The following SLC16A9 variants were observed in gnomAD, a reference collection of about 807,000 sequenced individuals.
SLC16A9 encodes solute carrier family 16 member 9, also known as monocarboxylate transporter 9.
SLC16A9 carries 26 observed loss-of-function variants against 44.3 expected under a neutral mutation model. That is an observed-to-expected ratio of 0.59 (90% CI 0.43 to 0.81). SLC16A9 has a LOEUF of 0.81. Ranked by LOEUF, SLC16A9 falls within the 40% of genes least tolerant of loss-of-function variation. The pLI, the probability that SLC16A9 is intolerant of heterozygous loss-of-function variation, is 0.00. For missense variants in SLC16A9, 559 were observed against 595.8 expected (o/e 0.94, Z 0.64); for synonymous variants, 230 against 225.1 (o/e 1.02, Z -0.19).
intron 2 of SLC16A9, 84 bp downstream of exon 2, chr10:59,684,012 T>C: frequency 1.8e-6 from 2 of 1,125,254 alleles, no homozygotes; most frequent in Non-Finnish European, 2.5e-6. Flanking sequence ...AAGAAAGCCC[T>C]CTCTGCCTTG....
intron 2 of SLC16A9, among the ~76,000 whole-genome samples, chr10:59,673,286 T>C (rs536928433): frequency 6.6e-6 from 1 of 152,278 alleles, no homozygotes; most frequent in Non-Finnish European, 1.5e-5. Flanking sequence ...AAAATGGGAA[T>C]TATAATAGTA....
chr10:59,684,152 C>T lies in SLC16A9; in HGVS notation c.140G>A (p.Gly47Glu). 1 of 1,613,970 alleles carries T rather than the reference C, an allele frequency of 6.2e-7. No homozygotes were observed. Among genetic ancestry groups the T allele is most frequent in the Non-Finnish European group, 8.5e-7 (1 of 1,179,936 alleles). ...YIEWLDAFGE[G>E]KGKTAWVGSL... ...TCCAACCCAGGCTGTTTTTCCTTTTCCTTCACCAAAGGCATCCAGCCATTC... is the reference window on the plus strand; with the variant it reads ...TCCAACCCAGGCTGTTTTTCCTTTTTCTTCACCAAAGGCATCCAGCCATTC... The change falls in exon 2 of 6, where the codon GGA becomes GAA. Residue 47 changes from glycine to glutamate, a missense_variant. By Grantham distance (98) the Gly-to-Glu change is moderately conservative. Transcript: ENST00000395348.
At chr10:59,653,024 C>A in intron 5 of SLC16A9, 74 bp from the exon 6 acceptor site, 1 of 1,158,974 alleles carries the variant, frequency 8.6e-7, no homozygotes, top group South Asian at 1.6e-5. Context: ...CTAATTATAT[C>A]AGTTTTATAT....
intron 3 of SLC16A9, among the ~76,000 whole-genome samples, chr10:59,667,570 A>G (rs1839649362): frequency 6.6e-6 from 1 of 152,228 alleles, no homozygotes; most frequent in Non-Finnish European, 1.5e-5. Flanking sequence ...TAAGTGTCTT[A>G]TCTCTTAATA....
chr10:59,687,935 G>T (rs1377533999), intron 1 of SLC16A9, among the ~76,000 whole-genome samples: 1 of 150,480 alleles, frequency 6.6e-6, no homozygotes, highest in Non-Finnish European at 1.5e-5. Context: ...ACTCCAGTGT[G>T]GGTGACACAG....
intron 4 of SLC16A9, among the ~76,000 whole-genome samples, chr10:59,655,119 G>A (rs1180463076): frequency 6.6e-5 from 10 of 151,914 alleles, no homozygotes; most frequent in South Asian, 4.1e-4. Flanking sequence ...GTGAAACCCC[G>A]TCTCTACTAA....
intron 1 of SLC16A9, among the ~76,000 whole-genome samples, chr10:59,689,055 G>C (rs369508415): frequency 6.6e-6 from 1 of 152,084 alleles, no homozygotes; most frequent in South Asian, 2.1e-4. Context: ...ATTTAAGAGA[G>C]CAAACCTTGG....
At position 59,684,135 on chromosome 10, in the gene SLC16A9, A is replaced by C; in HGVS notation, c.157T>G (p.Trp53Gly). Reference sequence around the variant, plus strand: ...ACTCCACTTGCCAGGGATCCAACCCAGGCTGTTTTTCCTTTTCCTTCACCA... The same window carrying C: ...ACTCCACTTGCCAGGGATCCAACCCCGGCTGTTTTTCCTTTTCCTTCACCA... ...AFGEGKGKTA[W>G]VGSLASGVGL... is the part of the protein sequence containing the mutation. The change falls in exon 2 of 6, where the codon TGG (tryptophan) becomes GGG (glycine). Residue 53 changes from tryptophan to glycine, a missense_variant. Physicochemically the swap from Trp to Gly is radical, Grantham distance 184. Coordinates refer to ENST00000395348, the MANE Select transcript of SLC16A9 (RefSeq NM_194298.3). 1.2e-6 allele frequency: 2 copies of C among 1,614,046 alleles called. No individual in the cohort carries two copies. Among genetic ancestry groups the C allele is most frequent in the East Asian group, 2.2e-5 (1 of 44,868 alleles).
At chr10:59,663,355 C>T (rs1839526814) in intron 4 of SLC16A9, among the ~76,000 whole-genome samples, 1 of 151,924 alleles carries the variant, frequency 6.6e-6, no homozygotes, top group South Asian at 2.1e-4. Flanking sequence ...GAGCGCAACT[C>T]TGTCTCAAAA....
chr10:59,684,923 C>T (rs1050255075), intron 1 of SLC16A9, among the ~76,000 whole-genome samples: 1 of 152,118 alleles, frequency 6.6e-6, no homozygotes, highest in Non-Finnish European at 1.5e-5. Context: ...TGAGGTGAGG[C>T]GGCTCCCTTC....
chr10:59,659,182 A>G (rs1318533494), intron 4 of SLC16A9, among the ~76,000 whole-genome samples: 1 of 152,140 alleles, frequency 6.6e-6, no homozygotes, highest in Non-Finnish European at 1.5e-5. Context: ...CCCCTCAGTG[A>G]TCATCTCTTG....
intron 2 of SLC16A9, 116 bp from the exon 3 acceptor site, chr10:59,673,029 T>C (rs919153466): frequency 4.3e-6 from 4 of 929,856 alleles, no homozygotes; most frequent in Admixed American, 2.8e-5. Flanking sequence ...ATTTATGATA[T>C]GCAGACACTA....
intron 2 of SLC16A9, among the ~76,000 whole-genome samples, chr10:59,675,245 A>C (rs1384356723): frequency 6.6e-6 from 1 of 152,218 alleles, no homozygotes; most frequent in African/African-American, 2.4e-5. Flanking sequence ...TTTGACCAAG[A>C]GTCCATAGCT....
intron 1 of SLC16A9, among the ~76,000 whole-genome samples, chr10:59,691,298 C>T (rs1157756472): frequency 4.6e-5 from 7 of 152,076 alleles, no homozygotes; most frequent in Admixed American, 3.3e-4. Context: ...GTTAACAAAC[C>T]AGGACTCTGA....
intron 4 of SLC16A9, among the ~76,000 whole-genome samples, chr10:59,656,758 A>G (rs1257673198): frequency 2.0e-5 from 3 of 152,164 alleles, no homozygotes; most frequent in African/African-American, 7.2e-5. Context: ...CTATCAACCC[A>G]TTACCTAGGA....
intron 4 of SLC16A9, among the ~76,000 whole-genome samples, chr10:59,663,980 A>ATAT (rs1839545381): frequency 6.6e-6 from 1 of 151,158 alleles, no homozygotes; most frequent in African/African-American, 2.4e-5. Context: ...GAAGAGCTAT[A>ATAT]TATTTTAGAA....
chr10:59,664,226 C>A lies in SLC16A9; in HGVS notation c.436+1G>T. On this transcript the variant is annotated splice_donor_variant, in intron 4 of 5. Transcript: ENST00000395348. LOFTEE classifies it high-confidence loss of function. ...ATACTGTACTCATTTTGAAAATATA[C>A]CTGTTGAAATCAGGCCAAGCGCTAG... 6.2e-7 allele frequency: 1 copy of A among 1,603,096 alleles called. No individual in the cohort carries two copies. Among genetic ancestry groups the A allele is most frequent in the Non-Finnish European group, 8.5e-7 (1 of 1,171,886 alleles).
chr10:59,700,689 T>C (rs1840503256), intron 1 of SLC16A9, among the ~76,000 whole-genome samples: 1 of 152,192 alleles, frequency 6.6e-6, no homozygotes, highest in East Asian at 1.9e-4. Flanking sequence ...TAGAAAAGCA[T>C]GAAAGGGTAC....
intron 2 of SLC16A9, among the ~76,000 whole-genome samples, chr10:59,674,323 C>T (rs1049318725): frequency 6.6e-6 from 1 of 152,136 alleles, no homozygotes; most frequent in African/African-American, 2.4e-5. Flanking sequence ...TTCTTATACA[C>T]ATATTTAAGA....
Sources: allele counts gnomAD v4.1 joint callset (sites outside exome capture counted in the v4.1 genomes callset), GRCh38; gene constraint gnomAD v4.1.1; transcripts MANE v1.5; gene names NCBI Gene and HGNC (gene_info 2026-07-23, HGNC 2026-07-21).